The following TRPC1 variants were observed in gnomAD, a reference collection of about 807,000 sequenced individuals.
The protein encoded by TRPC1 is short transient receptor potential channel 1.
TRPC1 carries 42 observed loss-of-function variants against 88.2 expected under a neutral mutation model. The observed-to-expected ratio is 0.48, with a 90% CI of 0.37 to 0.62. The LOEUF (loss-of-function observed/expected upper bound fraction) is 0.62, where lower values mean the gene tolerates loss of function less well. Among genes scored for constraint, TRPC1 ranks in the 20% least tolerant of loss-of-function variants. TRPC1 has a pLI of 0.00. For missense variants in TRPC1, 699 were observed against 957.3 expected (o/e 0.73, Z 3.56); for synonymous variants, 288 against 331.8 (o/e 0.87, Z 1.43).
chr3:142,731,778 C>T (rs371949553), intron 1 of TRPC1, among the ~76,000 whole-genome samples: 218 of 152,262 alleles, frequency 1.4e-3, no homozygotes, highest in African/African-American at 4.7e-3. Context: ...CTATGGGCCA[C>T]AGACCATATC....
At chr3:142,805,127 T>TACACACACACAAACAC (rs1205288304) in intron 12 of TRPC1, among the ~76,000 whole-genome samples, 1 of 120,394 alleles carries the variant, frequency 8.3e-6, no homozygotes, top group Non-Finnish European at 1.8e-5. Context: ...CAAATATATA[T>TACACACACACAAACAC]ATACACACAC....
intron 4 of TRPC1, among the ~76,000 whole-genome samples, chr3:142,771,547 C>A (rs926892548): frequency 1.3e-5 from 2 of 152,082 alleles, no homozygotes; most frequent in Non-Finnish European, 1.5e-5. Flanking sequence ...TTTCCTTTCT[C>A]GTAATGATAT....
intron 11 of TRPC1, 59 bp downstream of exon 11, chr3:142,804,237 T>C: frequency 1.4e-6 from 2 of 1,458,302 alleles, no homozygotes; most frequent in South Asian, 1.2e-5. Flanking sequence ...GTGCATACAA[T>C]AGATAAGATA....
chr3:142,736,766 T>A (rs1235608650), intron 2 of TRPC1, among the ~76,000 whole-genome samples: 15 of 152,146 alleles, frequency 9.9e-5, no homozygotes, highest in Admixed American at 9.8e-4. Context: ...TTGAATTGAT[T>A]TATCTTTTTC....
chr3:142,753,594 G>A (rs761571388), intron 4 of TRPC1, among the ~76,000 whole-genome samples: 7 of 151,742 alleles, frequency 4.6e-5, no homozygotes, highest in Non-Finnish European at 8.8e-5. Context: ...GTGAAACCTC[G>A]TCTCTACTAA....
At chr3:142,732,560 C>T (rs995132393) in intron 1 of TRPC1, among the ~76,000 whole-genome samples, 5 of 151,936 alleles carry the variant, frequency 3.3e-5, no homozygotes, top group African/African-American at 1.2e-4. Context: ...GGAGGAAGAT[C>T]ATGGGGGTTT....
chr3:142,806,391 A>AAT lies in TRPC1; in HGVS notation c.*157_*158insTA. ...TTATAGCATAAATATATGTTATGTA[A>AAT]AGTGTGTATATAGAATTAGTTTTTT... is the stretch of plus-strand genomic sequence containing the variant. On this transcript the variant is annotated 3_prime_UTR_variant, in exon 13 of 13. Transcript: ENST00000476941. 3.0e-6 allele frequency: 2 copies of AAT among 667,424 alleles called. No homozygotes were observed. Among genetic ancestry groups the AAT allele is most frequent in the Non-Finnish European group, 4.8e-6 (2 of 416,954 alleles). The allele number at this position is 667,424 out of a possible 1,614,324, so 41.3% of individuals were successfully genotyped here.
Position 142,802,204 on chromosome 3 carries a change from A to T in TRPC1, c.1617A>T (p.Lys539Asn). The change falls in exon 10 of 13, where the codon AAA (lysine) becomes AAT (asparagine). Residue 539 changes from lysine to asparagine, a missense_variant. Physicochemically the swap from Lys to Asn is moderately conservative, Grantham distance 94. This residue lies in a region of TRPC1 where 426 missense variants were observed against 641.3 expected (regional missense o/e 0.66). Transcript: ENST00000476941. Reference protein sequence around the residue: ...SMGQMLQDFGKFLGMFLLVLF... With the variant: ...SMGQMLQDFGNFLGMFLLVLF... ...GACAGATGTTACAAGATTTTGGAAAATTTCTTGGGATGTTTCTTCTTGTTT... is the reference window on the plus strand; with the variant it reads ...GACAGATGTTACAAGATTTTGGAAATTTTCTTGGGATGTTTCTTCTTGTTT... 1 of 1,591,140 alleles carries T rather than the reference A, an allele frequency of 6.3e-7. No homozygotes were observed. Among genetic ancestry groups the T allele is most frequent in the Non-Finnish European group, 8.5e-7 (1 of 1,171,380 alleles).
intron 9 of TRPC1, among the ~76,000 whole-genome samples, chr3:142,799,072 G>T (rs531605712): frequency 6.6e-6 from 1 of 152,124 alleles, no homozygotes; most frequent in African/African-American, 2.4e-5. Context: ...TTAATTTTCT[G>T]CAATACAAGC....
chr3:142,748,451 G>A lies in TRPC1; in HGVS notation c.623G>A (p.Arg208Gln), dbSNP rs1391699255. The change falls in exon 4 of 13, where the codon CGG becomes CAG. Residue 208 changes from arginine to glutamine, a missense_variant. Transcript: ENST00000476941. ...CSAKNKKDSLRHSRFRLDIYR... is the reference protein window; with the variant it reads ...CSAKNKKDSLQHSRFRLDIYR... ...GCAAAAAACAAAAAGGATAGCCTCC[G>A]GCATTCCAGGTTAGAACATTAAACT... is the stretch of plus-strand genomic sequence containing the variant. 8.1e-6 allele frequency: 13 copies of A among 1,613,796 alleles called. No individual in the cohort carries two copies. Among genetic ancestry groups the A allele is most frequent in the African/African-American group, 2.7e-5 (2 of 74,894 alleles).
Position 142,777,691 on chromosome 3 carries a change from A to G in TRPC1, c.692A>G (p.Glu231Gly). Reference protein sequence around the residue: ...ASPALIMLTEEDPILRAFELS... With the variant: ...ASPALIMLTEGDPILRAFELS... ...CCAGCTCTAATAATGTTAACAGAGG[A>G]GGATCCAATTCTGAGAGCATTTGAA... The change falls in exon 5 of 13, where the codon GAG (glutamate) becomes GGG (glycine). Residue 231 changes from glutamate to glycine, a missense_variant. Physicochemically the swap from Glu to Gly is moderately conservative, Grantham distance 98 (BLOSUM62 -2). Coordinates refer to ENST00000476941, the MANE Select transcript of TRPC1 (RefSeq NM_001251845.2). The G allele has an allele frequency of 6.2e-7, 1 of 1,613,034 alleles. No individual in the cohort carries two copies. Among genetic ancestry groups the G allele is most frequent in the Non-Finnish European group, 8.5e-7 (1 of 1,179,226 alleles).
intron 4 of TRPC1, among the ~76,000 whole-genome samples, chr3:142,759,895 C>G (rs1935119461): frequency 1.3e-5 from 2 of 152,104 alleles, no homozygotes. Context: ...TGCTCTGTTG[C>G]CCAGGCTGGA....
intron 4 of TRPC1, among the ~76,000 whole-genome samples, chr3:142,763,959 A>AATATAT (rs1159520441): frequency 1.3e-3 from 96 of 76,312 alleles, no homozygotes; most frequent in African/African-American, 1.5e-3. Context: ...AAAAAAAAGA[A>AATATAT]ATATATATAT....
intron 4 of TRPC1, among the ~76,000 whole-genome samples, chr3:142,757,388 A>G (rs1238741775): frequency 2.6e-5 from 4 of 152,138 alleles, no homozygotes; most frequent in Non-Finnish European, 5.9e-5. Context: ...ACAATAGCAA[A>G]GACTAGGACC....
chr3:142,739,920 G>C (rs1198228677), intron 2 of TRPC1, among the ~76,000 whole-genome samples: 1 of 152,198 alleles, frequency 6.6e-6, no homozygotes, highest in Non-Finnish European at 1.5e-5. Flanking sequence ...TAGGAACTGG[G>C]CTGCACAGCA....
At chr3:142,781,640 C>A (rs976242033) in intron 6 of TRPC1, among the ~76,000 whole-genome samples, 1 of 152,046 alleles carries the variant, frequency 6.6e-6, no homozygotes, top group African/African-American at 2.4e-5. Context: ...ACTCCCCATG[C>A]ATACATATAC....
chr3:142,747,966 C>T (rs1203086570), intron 3 of TRPC1, among the ~76,000 whole-genome samples: 1 of 151,678 alleles, frequency 6.6e-6, no homozygotes, highest in Non-Finnish European at 1.5e-5. Flanking sequence ...AACACTTTTC[C>T]CTAAGATATT....
chr3:142,802,147 A>T, intron 9 of TRPC1, 22 bp from the exon 10 acceptor site: 10 of 1,444,196 alleles, frequency 6.9e-6, no homozygotes, highest in Non-Finnish European at 8.2e-6. Flanking sequence ...CTTAATGAAC[A>T]CCTGTGTAAT....
intron 12 of TRPC1, among the ~76,000 whole-genome samples, chr3:142,805,129 T>TACACACACACACAC (rs71153991): frequency 2.1e-4 from 20 of 95,276 alleles, no homozygotes; most frequent in Non-Finnish European, 2.7e-4. Flanking sequence ...AATATATATA[T>TACACACACACACAC]ACACACACAC....
Sources: allele counts gnomAD v4.1 joint callset (sites outside exome capture counted in the v4.1 genomes callset), GRCh38; gene constraint gnomAD v4.1.1; regional missense constraint gnomAD v4.1.1; transcripts MANE v1.5; gene names NCBI Gene and HGNC (gene_info 2026-07-23, HGNC 2026-07-21).